USP49: variants seen among roughly 807,000 people sequenced by gnomAD.
USP49 encodes the protein ubiquitin carboxyl-terminal hydrolase 49.
Under a neutral mutation model 58.6 loss-of-function variants are expected in USP49, and 24 were observed. That is an observed-to-expected ratio of 0.41 (90% CI 0.30 to 0.58). The LOEUF is 0.58. Among genes scored for constraint, USP49 ranks in the 20% least tolerant of loss-of-function variants. USP49 has a pLI of 0.30. For synonymous variants in USP49, 408 were observed against 365.1 expected (o/e 1.12, Z -1.34); for missense variants, 703 against 866.1 (o/e 0.81, Z 2.36).
chr6:41,872,627 G>A (rs368034394), intron 2 of USP49, among the ~76,000 whole-genome samples: 8 of 151,848 alleles, frequency 5.3e-5, no homozygotes, highest in Admixed American at 2.6e-4. Flanking sequence ...GGCCAGGCAC[G>A]GTGGCTCACA....
chr6:41,803,927 G>A lies in USP49; in HGVS notation c.1440C>T (p.His480=), dbSNP rs759100805. 5 of 1,614,204 alleles carry A rather than the reference G, an allele frequency of 3.1e-6. No homozygotes were observed. The highest frequency in any genetic ancestry group is 4.2e-6 in the Non-Finnish European group (5 of 1,180,046). Residue 480 remains histidine, a synonymous_variant, in exon 5 of 8, where the codon CAC becomes CAT. Transcript: ENST00000682992. This position sits in a 1 kb window ranked among gnomAD's most constrained non-coding sequence, Gnocchi z 4.1. ...DLSLEFPERY[H]CIEKGFVPLN... is the part of the protein sequence containing the mutation. The stretch of plus-strand genomic sequence containing the variant: ...AAGGGACAAACCCCTTTTCTATGCA[G>A]TGATAGCGTTCAGGGAATTCCAGGG...
rs1160029310 is a variant in USP49 at position 41,806,429 on chromosome 6, C to T, written c.555G>A (p.Ala185=). The T allele has an allele frequency of 7.6e-6, 12 of 1,581,162 alleles. No homozygotes were observed. The highest frequency in any genetic ancestry group is 1.1e-5 in the South Asian group (1 of 88,656). The change falls in exon 4 of 8, where the codon GCG becomes GCA. Residue 185 remains alanine, a synonymous_variant. Coordinates refer to ENST00000682992, the MANE Select transcript of USP49 (RefSeq NM_001286554.2). This position sits in a 1 kb window ranked among gnomAD's most constrained non-coding sequence, Gnocchi z 5.9. ...GTTTCACCTCGCGCCGCCGCCTCCG[C>T]GCCTCCTCCTTCTTGCGCTCCAGGG... ...EEALERKKEE[A]RRRRREVKRR...
At chr6:41,865,914 GCC>G (rs1258046516) in intron 3 of USP49, among the ~76,000 whole-genome samples, 2 of 108,798 alleles carry the variant, frequency 1.8e-5, no homozygotes, top group African/African-American at 7.8e-5. Context: ...AAAGCATGGT[GCC>G]TTTTTTTTTT....
chr6:41,825,059 C>T (rs544174581), intron 3 of USP49, among the ~76,000 whole-genome samples: 5 of 152,296 alleles, frequency 3.3e-5, no homozygotes, highest in South Asian at 2.1e-4. Flanking sequence ...ACAAAAAGAG[C>T]GCCAGTGCAT....
chr6:41,879,803 A>T lies in USP49; in HGVS notation c.-102-8166T>A, dbSNP rs149095822. Reference sequence around the variant, plus strand: ...TAAGCCCTAAGCAGATAATAGGAACATTCTTTCTGGGGATGAACCTGGTCA... The same window carrying T: ...TAAGCCCTAAGCAGATAATAGGAACTTTCTTTCTGGGGATGAACCTGGTCA... On this transcript the variant is annotated intron_variant, in intron 2 of 7. Coordinates refer to ENST00000682992, the MANE Select transcript of USP49 (RefSeq NM_001286554.2). 2.5e-3 allele frequency among the ~76,000 whole-genome samples: 379 copies of T among 152,362 alleles called. 3 individuals carry two copies. Among genetic ancestry groups the T allele is most frequent in the African/African-American group, 8.6e-3 (359 of 41,594 alleles).
At chr6:41,820,181 GT>G (rs58334288) in intron 3 of USP49, among the ~76,000 whole-genome samples, 107,074 of 148,036 alleles carry the variant, frequency 0.72, 38,539 homozygotes, top group East Asian at 0.82. Context: ...TACATCATTA[GT>G]TTTTTTTTTT....
chr6:41,867,604 A>T (rs1774341846), intron 3 of USP49, among the ~76,000 whole-genome samples: 2 of 150,786 alleles, frequency 1.3e-5, no homozygotes, highest in Non-Finnish European at 3.0e-5. Flanking sequence ...AAAAAAAAAA[A>T]AGCTAGGAGT....
At chr6:41,888,885 G>GT (rs1463685013) in intron 2 of USP49, among the ~76,000 whole-genome samples, 5 of 152,104 alleles carry the variant, frequency 3.3e-5, no homozygotes, top group African/African-American at 9.7e-5. Flanking sequence ...TGATGGGAAG[G>GT]GAGTCAGTTT....
At chr6:41,893,807 G>A (rs1028294886) in intron 1 of USP49, 2 of 152,124 alleles carry the variant, frequency 1.3e-5, no homozygotes, top group Non-Finnish European at 2.9e-5. Context: ...CCTACTTTTA[G>A]GGACAAAAGG....
intron 3 of USP49, among the ~76,000 whole-genome samples, chr6:41,821,850 G>A (rs1773458332): frequency 6.6e-6 from 1 of 152,060 alleles, no homozygotes; most frequent in Non-Finnish European, 1.5e-5. Context: ...GCAAACAGCA[G>A]CACAAAAATT....
chr6:41,873,148 G>T (rs1379255873), intron 2 of USP49: 1 of 152,288 alleles, frequency 6.6e-6, no homozygotes, highest in Non-Finnish European at 1.5e-5. Context: ...GTATAATGGA[G>T]CAGAGCTGGG....
intron 3 of USP49, among the ~76,000 whole-genome samples, chr6:41,825,300 G>A (rs926311997): frequency 6.6e-6 from 1 of 152,294 alleles, no homozygotes; most frequent in Non-Finnish European, 1.5e-5. Context: ...GAGCTCAGGC[G>A]TATGATACTG....
chr6:41,866,786 G>A (rs1251684653), intron 3 of USP49, among the ~76,000 whole-genome samples: 1 of 152,134 alleles, frequency 6.6e-6, no homozygotes, highest in East Asian at 1.9e-4. Context: ...TTGCACACTC[G>A]TAAGAGAACG....
intron 3 of USP49, among the ~76,000 whole-genome samples, chr6:41,840,394 A>G (rs1773804839): frequency 6.6e-6 from 1 of 151,876 alleles, no homozygotes; most frequent in South Asian, 2.1e-4. Flanking sequence ...AAAAAAGAAA[A>G]TTAAAAAAAT....
At position 41,805,976 on chromosome 6, in the gene USP49, G is replaced by A; in HGVS notation, c.1008C>T (p.Ala336=). The stretch of plus-strand genomic sequence containing the variant: ...TGAGCTCCAGACTCCGACTAATGGA[G>A]GCCCTGCCGTTCCAGCAGAAGCCCT... ...EREGFCWNGR[A]SISRSLELIQ... The change falls in exon 4 of 8, where the codon GCC becomes GCT. Residue 336 remains alanine (A), a synonymous_variant. Transcript: ENST00000682992. 6.2e-7 allele frequency: 1 copy of A among 1,613,904 alleles called. No homozygotes were observed. Among genetic ancestry groups the A allele is most frequent in the Admixed American group, 1.7e-5 (1 of 60,022 alleles).
Position 41,853,955 on chromosome 6 carries a change from C to T in USP49, c.-29+17609G>A, listed in dbSNP as rs577722141. On this transcript the variant is annotated intron_variant, in intron 3 of 7. Coordinates refer to ENST00000682992, the MANE Select transcript of USP49 (RefSeq NM_001286554.2). Reference sequence around the variant, plus strand: ...CGGAGGTTGAGGTGAGCCAAGATTGCGCCATTGCACTCCAGCCTGGGCAAC... The same window carrying T: ...CGGAGGTTGAGGTGAGCCAAGATTGTGCCATTGCACTCCAGCCTGGGCAAC... Among the ~76,000 whole-genome samples, 14 of 137,422 alleles carry T rather than the reference C, an allele frequency of 1.0e-4. No individual in the cohort carries two copies. The East Asian group carries it at 1.7e-3, about 17-fold the overall frequency. 90.2% of individuals were successfully genotyped at this position (137,422 alleles called of 152,430 possible). A position where few individuals can be genotyped will look rare whatever the true frequency, so the allele number is the denominator to read the frequency against.
intron 3 of USP49, among the ~76,000 whole-genome samples, chr6:41,850,392 G>A (rs1582020196): frequency 4.0e-5 from 6 of 151,282 alleles, no homozygotes; most frequent in Admixed American, 3.3e-4. Context: ...GCAGTGAGCT[G>A]AGATCGTGCC....
chr6:41,865,916 CTTTTTTTT>C lies in USP49; in HGVS notation c.-29+5640_-29+5647del, dbSNP rs34663718. Among the ~76,000 whole-genome samples the C allele has an allele frequency of 8.9e-3, 580 of 65,392 alleles. 7 individuals are homozygous for C. Among genetic ancestry groups the C allele is most frequent in the African/African-American group, 0.036 (549 of 15,152 alleles). The allele number at this position is 65,392 out of a possible 152,430, so 42.9% of individuals were successfully genotyped here. ...ACCTCAGCCTTCCAAAGCATGGTGC[CTTTTTTTT>C]TTTTTTTTTTTTTTTTTAGACAGAG... On this transcript the variant is annotated intron_variant, in intron 3 of 7. Coordinates refer to ENST00000682992, the MANE Select transcript of USP49 (RefSeq NM_001286554.2).
intron 3 of USP49, among the ~76,000 whole-genome samples, chr6:41,815,508 G>T (rs191316204): frequency 6.6e-6 from 1 of 152,086 alleles, no homozygotes; most frequent in South Asian, 2.1e-4. Flanking sequence ...GACAGTGGGT[G>T]GGAGAAGAGA....
Sources: gnomAD v4.1 joint callset for allele counts (sites outside exome capture counted in the v4.1 genomes callset) on GRCh38, gnomAD v4.1.1 for gene constraint, Gnocchi (gnomAD v3.1) non-coding constraint, MANE v1.5 for transcripts, NCBI Gene and HGNC (gene_info 2026-07-23, HGNC 2026-07-21) for gene names.